Variants in CHD7 observed in about 807,000 individuals in gnomAD.
CHD7 encodes the protein chromodomain helicase DNA binding protein 7, also known as ATP-dependent chromatin remodeler CHD7.
CHD7 carries 24 observed loss-of-function variants against 307.3 expected under a neutral mutation model. That is an observed-to-expected ratio of 0.08 (90% CI 0.06 to 0.11). The LOEUF (loss-of-function observed/expected upper bound fraction) is 0.11, where lower values mean the gene tolerates loss of function less well. Ranked by LOEUF, CHD7 falls within the 10% of genes least tolerant of loss-of-function variation. The probability of loss-of-function intolerance (pLI) is 1.00; values close to 1 mark genes in which losing one functional copy is unlikely to be tolerated. For synonymous variants in CHD7, 1,363 were observed against 1,349.9 expected (o/e 1.01, Z -0.21); for missense variants, 3,106 against 3,727.1 (o/e 0.83, Z 4.34).
intron 12 of CHD7, 27 bp from the exon 13 acceptor site, chr8:60,823,813 A>G (rs748226031): frequency 6.3e-7 from 1 of 1,583,998 alleles, no homozygotes; most frequent in Admixed American, 1.7e-5. Context: ...ATTAATGCTT[A>G]ATAATAATTC....
rs913573032 is a variant in CHD7 at position 60,844,952 on chromosome 8, C to A, written c.4939C>A (p.Leu1647Met). Residue 1647 changes from leucine (L) to methionine (M), a missense_variant, in exon 22 of 38, where the codon CTG becomes ATG. By Grantham distance (15) the Leu-to-Met change is conservative. This residue lies in a region of CHD7 where 28 missense variants were observed against 64.7 expected (regional missense o/e 0.43). Coordinates refer to ENST00000423902, the MANE Select transcript of CHD7 (RefSeq NM_017780.4). ...QDVETICRTI[L>M]VYCLNHYKGD... ...TGTAGAAACCATCTGCAGAACCATC[C>A]TGGTGTACTGTCTTAATCATTACAA... 1 of 1,613,946 alleles carries A rather than the reference C, an allele frequency of 6.2e-7. No individual in the cohort carries two copies. The highest frequency in any genetic ancestry group is 1.3e-5 in the African/African-American group (1 of 75,050).
intron 2 of CHD7, among the ~76,000 whole-genome samples, chr8:60,758,085 AAAT>A: frequency 1.3e-5 from 2 of 152,314 alleles, no homozygotes; most frequent in African/African-American, 4.8e-5. Context: ...ATTCATTTAA[AAAT>A]AATAATAACC....
intron 2 of CHD7, among the ~76,000 whole-genome samples, chr8:60,747,158 C>T (rs1199484321): frequency 6.6e-6 from 1 of 152,184 alleles, no homozygotes; most frequent in African/African-American, 2.4e-5. Flanking sequence ...CTCACTGCAA[C>T]CTCCTTCTCC....
At chr8:60,703,515 C>T (rs909381308) in intron 1 of CHD7, among the ~76,000 whole-genome samples, 42 of 152,156 alleles carry the variant, frequency 2.8e-4, no homozygotes, top group Non-Finnish European at 8.8e-5. Context: ...TTTCCACTCT[C>T]CCCCCACCAC....
In CHD7 at chr8:60,865,080, C is replaced by A. The variant is rs573554562; in HGVS notation, c.8141C>A (p.Ala2714Glu). ...LTGPVVRGEG[A>E]SRRGRRPKSE... ...GGGCCTGTAGTGCGGGGAGAGGGAGCGAGCAGAAGAGGAAGAAGGCCCAAA... is the reference window on the plus strand; with the variant it reads ...GGGCCTGTAGTGCGGGGAGAGGGAGAGAGCAGAAGAGGAAGAAGGCCCAAA... The change falls in exon 38 of 38, where the codon GCG (alanine) becomes GAG (glutamate). Residue 2714 changes from alanine to glutamate, a missense_variant. By Grantham distance (107) the Ala-to-Glu change is moderately radical (BLOSUM62 -1). Around this residue, in one of 10 missense-constraint regions of CHD7, gnomAD observed 351 missense variants for 366.2 expected, o/e 0.96. Coordinates refer to ENST00000423902, the MANE Select transcript of CHD7 (RefSeq NM_017780.4). This position sits in a 1 kb window ranked among gnomAD's most constrained non-coding sequence, Gnocchi z 4.3. 2 of 1,609,804 alleles carry A rather than the reference C, an allele frequency of 1.2e-6. No individual in the cohort carries two copies. The highest frequency in any genetic ancestry group is 1.7e-6 in the Non-Finnish European group (2 of 1,178,032).
intron 4 of CHD7, among the ~76,000 whole-genome samples, chr8:60,799,036 T>A (rs1812167711): frequency 6.6e-6 from 1 of 152,232 alleles, no homozygotes; most frequent in Non-Finnish European, 1.5e-5. Flanking sequence ...TAAAGCCATG[T>A]ACATATACAT....
chr8:60,806,303 C>T (rs1563616580), intron 6 of CHD7, among the ~76,000 whole-genome samples: 1 of 152,084 alleles, frequency 6.6e-6, no homozygotes, highest in East Asian at 1.9e-4. Context: ...GCAGAGCTTG[C>T]AGTGAGCCGA....
At position 60,741,273 on chromosome 8, in the gene CHD7, CTT is replaced by C; in HGVS notation, c.-158_-157del. 1 of 631,424 alleles carries C rather than the reference CTT, an allele frequency of 1.6e-6. No individual in the cohort carries two copies. Among genetic ancestry groups the C allele is most frequent in the Non-Finnish European group, 2.8e-6 (1 of 360,918 alleles). 39.1% of individuals were successfully genotyped at this position (631,424 alleles called of 1,614,324 possible). On this transcript the variant is annotated 5_prime_UTR_variant, in exon 2 of 38. Transcript: ENST00000423902. ...CTCCCTTCCAGGACCTATATCCAGA[CTT>C]TGCCTGACACTGCAGGGTCCAAGAG...
intron 2 of CHD7, among the ~76,000 whole-genome samples, chr8:60,754,188 A>C (rs1809776836): frequency 6.6e-6 from 1 of 152,208 alleles, no homozygotes; most frequent in Non-Finnish European, 1.5e-5. Flanking sequence ...TGGGCAGGCA[A>C]GAGCACAGAG....
chr8:60,853,293 A>G lies in CHD7; in HGVS notation c.6568A>G (p.Lys2190Glu). The G allele has an allele frequency of 6.2e-7, 1 of 1,608,962 alleles. No homozygotes were observed. Among genetic ancestry groups the G allele is most frequent in the Non-Finnish European group, 8.5e-7 (1 of 1,176,852 alleles). The change falls in exon 31 of 38, where the codon AAA becomes GAA. Residue 2190 changes from lysine to glutamate, a missense_variant. Physicochemically the swap from Lys to Glu is moderately conservative, Grantham distance 56. Coordinates refer to ENST00000423902, the MANE Select transcript of CHD7 (RefSeq NM_017780.4). ...NPAAKEKCEG[K>E]EEEEETDGSG... ...AGCTGCCAAGGAGAAATGTGAGGGC[A>G]AAGAAGAGGAAGAAGAAACCGATGG... is the stretch of plus-strand genomic sequence containing the variant.
chr8:60,789,582 A>G (rs1191242718), intron 3 of CHD7, among the ~76,000 whole-genome samples: 1 of 152,150 alleles, frequency 6.6e-6, no homozygotes, highest in African/African-American at 2.4e-5. Flanking sequence ...TTCTTTTTCA[A>G]GTTTTCTTTC....
chr8:60,817,807 A>T (rs1429440026), intron 8 of CHD7, among the ~76,000 whole-genome samples: 2 of 152,156 alleles, frequency 1.3e-5, no homozygotes, highest in Non-Finnish European at 2.9e-5. Flanking sequence ...GGATGAGCTG[A>T]AATCATTAGC....
chr8:60,726,778 A>G (rs1210928017), intron 1 of CHD7, among the ~76,000 whole-genome samples: 1 of 152,172 alleles, frequency 6.6e-6, no homozygotes, highest in Non-Finnish European at 1.5e-5. Flanking sequence ...CACCCCCTGC[A>G]TAACTCGTTG....
intron 5 of CHD7, among the ~76,000 whole-genome samples, chr8:60,800,937 G>A (rs1011451572): frequency 3.3e-5 from 5 of 152,066 alleles, no homozygotes; most frequent in Non-Finnish European, 7.4e-5. Context: ...TACCCAGCAG[G>A]GTGTACTTTA....
intron 25 of CHD7, among the ~76,000 whole-genome samples, chr8:60,849,897 T>C (rs1805377922): frequency 6.6e-6 from 1 of 152,192 alleles, no homozygotes; most frequent in Admixed American, 6.5e-5. Context: ...AAAATCATTT[T>C]CCCGCAGTGC....
rs200777969 is a variant in CHD7, at chr8:60,789,659, A to T, written c.2097-5327A>T. On this transcript the variant is annotated intron_variant, in intron 3 of 37. Coordinates refer to ENST00000423902, the MANE Select transcript of CHD7 (RefSeq NM_017780.4). Reference sequence around the variant, plus strand: ...TTAACTGTGTTCTCTTTTGTAATAAATCAGGGCAGCTACCTGGCTTTCCAG... The same window carrying T: ...TTAACTGTGTTCTCTTTTGTAATAATTCAGGGCAGCTACCTGGCTTTCCAG... Among the ~76,000 whole-genome samples the T allele has an allele frequency of 2.6e-5, 4 of 152,226 alleles. No individual in the cohort carries two copies. In the East Asian group the frequency reaches 7.7e-4, roughly 29 times the overall value.
intron 2 of CHD7, among the ~76,000 whole-genome samples, chr8:60,745,012 C>T (rs1167863907): frequency 1.3e-5 from 2 of 149,940 alleles, no homozygotes; most frequent in Admixed American, 6.6e-5. Flanking sequence ...TGCCCTCAGC[C>T]GGTGGGCAGG....
At position 60,820,068 on chromosome 8, in the gene CHD7, G is replaced by A. The variant is rs200188105; in HGVS notation, c.2675G>A (p.Arg892His). The A allele has an allele frequency of 6.5e-5, 104 of 1,609,382 alleles. 1 individual carries two copies. In the South Asian group the frequency reaches 7.9e-4, roughly 12 times the overall value. ...VEVDRIMDFA[R>H]STDDRGEPVT... The stretch of plus-strand genomic sequence containing the variant: ...GTTGACCGGATAATGGACTTTGCAC[G>A]TAGCACAGATGACCGGGGAGAGGTA... The change falls in exon 9 of 38, where the codon CGT becomes CAT. Residue 892 changes from arginine to histidine, a missense_variant. By Grantham distance (29) the Arg-to-His change is conservative (BLOSUM62 0). Transcript: ENST00000423902.
intron 3 of CHD7, among the ~76,000 whole-genome samples, chr8:60,784,622 T>G (rs180918647): frequency 2.6e-5 from 4 of 152,208 alleles, no homozygotes; most frequent in African/African-American, 7.2e-5. Context: ...ATTTTCCTTG[T>G]GTGTCTCCTC....
Sources: gnomAD v4.1 joint callset for allele counts (sites outside exome capture counted in the v4.1 genomes callset) on GRCh38, gnomAD v4.1.1 for gene constraint, gnomAD v4.1.1 regional missense constraint, Gnocchi (gnomAD v3.1) non-coding constraint, MANE v1.5 for transcripts, NCBI Gene and HGNC (gene_info 2026-07-23, HGNC 2026-07-21) for gene names.